BUB1B: variants seen among roughly 807,000 people sequenced by gnomAD.
BUB1B encodes the protein mitotic checkpoint serine/threonine-protein kinase BUB1 beta.
In BUB1B, 86 loss-of-function variants were observed where a neutral mutation model predicts 137.7. The observed-to-expected ratio is 0.62, with a 90% CI of 0.52 to 0.75. BUB1B has a LOEUF of 0.75. Ranked by LOEUF, BUB1B falls within the 30% of genes least tolerant of loss-of-function variation. The pLI is 0.00. For synonymous variants in BUB1B, 420 were observed against 417.9 expected (o/e 1.00, Z -0.06); for missense variants, 1,130 against 1,236.9 (o/e 0.91, Z 1.30).
In BUB1B at chr15:40,165,183, C is replaced by A. The variant is rs1017567589; in HGVS notation, c.166C>A (p.Gln56Lys). The change falls in exon 2 of 23, where the codon CAG becomes AAG. Residue 56 changes from glutamine (Q) to lysine (K), a missense_variant. Physicochemically the swap from Gln to Lys is moderately conservative, Grantham distance 53 (BLOSUM62 1). Transcript: ENST00000287598. ...AQESACNNTLQQQKRAFEYEI... is the reference protein window; with the variant it reads ...AQESACNNTLKQQKRAFEYEI... ...AGAATCTGCCTGTAACAATACTCTTCAGCAGCAGAAACGGTGTGTAGAATG... is the reference window on the plus strand; with the variant it reads ...AGAATCTGCCTGTAACAATACTCTTAAGCAGCAGAAACGGTGTGTAGAATG... 2 of 1,614,206 alleles carry A rather than the reference C, an allele frequency of 1.2e-6. No homozygotes were observed. Among genetic ancestry groups the A allele is most frequent in the Non-Finnish European group, 1.7e-6 (2 of 1,180,042 alleles).
chr15:40,206,086 C>T, intron 14 of BUB1B, 98 bp from the exon 15 acceptor site: 1 of 1,266,500 alleles, frequency 7.9e-7, no homozygotes, highest in Non-Finnish European at 1.1e-6. Context: ...TATGCTATTT[C>T]TGTACCCTGT....
chr15:40,205,227 G>A (rs1048232281), intron 14 of BUB1B, among the ~76,000 whole-genome samples: 3 of 152,100 alleles, frequency 2.0e-5, no homozygotes, highest in Non-Finnish European at 4.4e-5. Context: ...GATTACAGGC[G>A]TGAGCCACTG....
In BUB1B at chr15:40,212,495, A is replaced by T; in HGVS notation, c.2386-4A>T. ...ACTTATTTTTAAAATACAATGTCTT[A>T]CAGGTATCTTCTCAACCTGTCCCAT... On this transcript the variant is annotated splice_polypyrimidine_tract_variant and splice_region_variant and intron_variant, in intron 18 of 22. Coordinates refer to ENST00000287598, the MANE Select transcript of BUB1B (RefSeq NM_001211.6). 6.2e-7 allele frequency: 1 copy of T among 1,610,088 alleles called. No individual in the cohort carries two copies. Among genetic ancestry groups the T allele is most frequent in the Non-Finnish European group, 8.5e-7 (1 of 1,177,028 alleles).
In BUB1B at chr15:40,206,132, T is replaced by G. The variant is rs1008951469; in HGVS notation, c.1735-52T>G. 5.0e-6 allele frequency: 8 copies of G among 1,592,758 alleles called. No individual in the cohort carries two copies. In the Admixed American group the frequency reaches 8.3e-5, roughly 17 times the overall value. ...TAATATGTCTCTCTCAGTAAAAAAG[T>G]TCTTCATGTATTGAAATATTTTAGC... On this transcript the variant is annotated intron_variant, in intron 14 of 22. Coordinates refer to ENST00000287598, the MANE Select transcript of BUB1B (RefSeq NM_001211.6).
At chr15:40,165,303 T>G (rs1443155235) in intron 2 of BUB1B, 107 bp downstream of exon 2, 2 of 1,468,194 alleles carry the variant, frequency 1.4e-6, no homozygotes, top group Admixed American at 3.5e-5. Context: ...TTTCAAAAAT[T>G]GGTAGTATGA....
intron 18 of BUB1B, among the ~76,000 whole-genome samples, chr15:40,210,554 G>A (rs1291917956): frequency 6.6e-6 from 1 of 152,108 alleles, no homozygotes; most frequent in East Asian, 1.9e-4. Context: ...CTGTCATCCA[G>A]GCTGGAGTAC....
In BUB1B at chr15:40,217,647, A is replaced by G; in HGVS notation, c.2830A>G (p.Asn944Asp). 6.2e-7 allele frequency: 1 copy of G among 1,614,178 alleles called. No individual in the cohort carries two copies. Among genetic ancestry groups the G allele is most frequent in the African/African-American group, 1.3e-5 (1 of 75,048 alleles). The change falls in exon 21 of 23, where the codon AAC becomes GAC. Residue 944 changes from asparagine to aspartate, a missense_variant. Coordinates refer to ENST00000287598, the MANE Select transcript of BUB1B (RefSeq NM_001211.6). Reference sequence around the variant, plus strand: ...CCTGGAAGGACAAAAGATCCTGGCTAACTGTTCTTCTCCCTACCAGGTAAG... The same window carrying G: ...CCTGGAAGGACAAAAGATCCTGGCTGACTGTTCTTCTCCCTACCAGGTAAG... ...QILEGQKILA[N>D]CSSPYQVDLF...
rs56079734 is a variant in BUB1B, at chr15:40,165,136, C to T, written c.119C>T (p.Thr40Met). 3.9e-3 allele frequency: 6,301 copies of T among 1,614,136 alleles called. 230 individuals carry two copies. The African/African-American group carries it at 0.075, about 19-fold the overall frequency. The part of the protein sequence containing the change: ...QPLRQGRIMS[T>M]LQGALAQESA... ...TTAAGGCAAGGGCGGATCATGTCCA[C>T]GCTTCAGGGAGCACTGGCACAAGAA... The change falls in exon 2 of 23, where the codon ACG (threonine) becomes ATG (methionine). Residue 40 changes from threonine to methionine, a missense_variant. By Grantham distance (81) the Thr-to-Met change is moderately conservative. Coordinates refer to ENST00000287598, the MANE Select transcript of BUB1B (RefSeq NM_001211.6).
intron 22 of BUB1B, 48 bp downstream of exon 22, chr15:40,218,610 T>C (rs1200566223): frequency 2.1e-6 from 3 of 1,402,574 alleles, no homozygotes; most frequent in African/African-American, 1.4e-5. Context: ...AATAATTTTC[T>C]GTTTCTCTTG....
intron 12 of BUB1B, 53 bp downstream of exon 12, chr15:40,201,033 T>C (rs1401113316): frequency 2.0e-6 from 3 of 1,498,224 alleles, no homozygotes; most frequent in Non-Finnish European, 2.8e-6. Context: ...AAATGTATTA[T>C]GTAATAAATG....
At chr15:40,213,065 A>G (rs1313590102) in intron 19 of BUB1B, among the ~76,000 whole-genome samples, 2 of 148,896 alleles carry the variant, frequency 1.3e-5, no homozygotes, top group African/African-American at 5.2e-5. Flanking sequence ...GGTTGGAATG[A>G]GGGTATTTTA....
intron 5 of BUB1B, 63 bp from the exon 6 acceptor site, chr15:40,183,651 G>C: frequency 6.5e-7 from 1 of 1,530,012 alleles, no homozygotes; most frequent in South Asian, 1.1e-5. Context: ...TAACAAATTG[G>C]AAATTTTGAG....
chr15:40,183,574 G>T (rs1261212257), intron 5 of BUB1B, 140 bp from the exon 6 acceptor site: 2 of 790,658 alleles, frequency 2.5e-6, no homozygotes, highest in Admixed American at 4.1e-5. Context: ...ACTTCTGAGA[G>T]AATAAACATG....
intron 5 of BUB1B, among the ~76,000 whole-genome samples, chr15:40,179,903 T>C (rs533129752): frequency 2.4e-4 from 36 of 151,852 alleles, no homozygotes; most frequent in African/African-American, 8.0e-4. Flanking sequence ...ATACTTGTCA[T>C]AGGTATTACA....
At chr15:40,169,630 T>TC (rs1289634843) in intron 2 of BUB1B, among the ~76,000 whole-genome samples, 13 of 149,492 alleles carry the variant, frequency 8.7e-5, no homozygotes, top group Admixed American at 5.3e-4. Context: ...TTTTTTTTTT[T>TC]TGAGACAGAG....
At chr15:40,183,499 G>A (rs2037321010) in intron 5 of BUB1B, among the ~76,000 whole-genome samples, 2 of 152,164 alleles carry the variant, frequency 1.3e-5, no homozygotes, top group South Asian at 4.1e-4. Flanking sequence ...TCAAACTTGG[G>A]CATTTAAAGG....
chr15:40,206,086 C>G (rs1168374045), intron 14 of BUB1B, 98 bp from the exon 15 acceptor site: 2 of 1,266,382 alleles, frequency 1.6e-6, no homozygotes, highest in Non-Finnish European at 2.3e-6. Context: ...TATGCTATTT[C>G]TGTACCCTGT....
Position 40,183,793 on chromosome 15 carries a change from G to A in BUB1B, c.661G>A (p.Val221Ile), listed in dbSNP as rs1367497131. The change falls in exon 6 of 23, where the codon GTA becomes ATA. Residue 221 changes from valine to isoleucine, a missense_variant. Physicochemically the swap from Val to Ile is conservative, Grantham distance 29. Coordinates refer to ENST00000287598, the MANE Select transcript of BUB1B (RefSeq NM_001211.6). ...EEEEEVFESSVPQRSTLAELK... is the reference protein window; with the variant it reads ...EEEEEVFESSIPQRSTLAELK... ...AGAGGAGGAAGTTTTTGAGTCTTCT[G>A]TACCACAACGAAGCACACTAGCTGA... 1 of 1,614,072 alleles carries A rather than the reference G, an allele frequency of 6.2e-7. No individual in the cohort carries two copies. The highest frequency in any genetic ancestry group is 1.1e-5 in the South Asian group (1 of 91,072).
At chr15:40,164,861 A>G (rs939933142) in intron 1 of BUB1B, among the ~76,000 whole-genome samples, 192 bp from the exon 2 acceptor site, 1 of 152,086 alleles carries the variant, frequency 6.6e-6, no homozygotes, top group Non-Finnish European at 1.5e-5. Flanking sequence ...CTATCAGGCA[A>G]TACTGTAGCC....
Sources: allele counts gnomAD v4.1 joint callset (sites outside exome capture counted in the v4.1 genomes callset), GRCh38; gene constraint gnomAD v4.1.1; transcripts MANE v1.5; gene names NCBI Gene and HGNC (gene_info 2026-07-23, HGNC 2026-07-21).